SLC13A1: variants seen among roughly 807,000 people sequenced by gnomAD.
SLC13A1 encodes the protein Na(+)/sulfate cotransporter.
Under a neutral mutation model 70.0 loss-of-function variants are expected in SLC13A1, and 65 were observed. The ratio of observed to expected loss-of-function variants is 0.93; its 90% CI spans 0.76 to 1.14. SLC13A1 has a LOEUF of 1.14. Ranked by LOEUF, SLC13A1 falls within the 50% of genes most tolerant of loss-of-function variation. SLC13A1 has a pLI of 0.00. For missense variants in SLC13A1, 726 were observed against 717.8 expected (o/e 1.01, Z -0.13); for synonymous variants, 275 against 250.5 (o/e 1.10, Z -0.92).
intron 8 of SLC13A1, among the ~76,000 whole-genome samples, chr7:123,133,619 C>A (rs186164713): frequency 0.016 from 2,376 of 152,162 alleles, 30 homozygotes; most frequent in Non-Finnish European, 0.022. Context: ...CTCACTGCAA[C>A]CTCCGCCTCC....
In SLC13A1 at chr7:123,119,104, A is replaced by G; in HGVS notation, c.1489T>C (p.Phe497Leu). Reference sequence around the variant, plus strand: ...ACCAATGGAGATAATATTGGGAGAAAGAGTGTAATGGTAGCTGGATTGCTG... The same window carrying G: ...ACCAATGGAGATAATATTGGGAGAAGGAGTGTAATGGTAGCTGGATTGCTG... ...VASNPATITL[F>L]LPILSPLAEA... Residue 497 changes from phenylalanine to leucine, a missense_variant, in exon 13 of 15, where the codon TTT becomes CTT. By Grantham distance (22) the Phe-to-Leu change is conservative (BLOSUM62 0). Transcript: ENST00000194130. 6.2e-7 allele frequency: 1 copy of G among 1,612,580 alleles called. No homozygotes were observed. Among genetic ancestry groups the G allele is most frequent in the Non-Finnish European group, 8.5e-7 (1 of 1,179,114 alleles).
intron 1 of SLC13A1, among the ~76,000 whole-genome samples, chr7:123,199,290 C>A (rs1451872955): frequency 6.6e-6 from 1 of 152,100 alleles, no homozygotes; most frequent in Non-Finnish European, 1.5e-5. Flanking sequence ...ATTATCAGAA[C>A]ATGGTAAATG....
Position 123,188,844 on chromosome 7 carries a change from G to A in SLC13A1, c.100-7743C>T, listed in dbSNP as rs1348592162. 4.6e-5 allele frequency among the ~76,000 whole-genome samples: 7 copies of A among 151,954 alleles called. No homozygotes were observed. The South Asian group carries it at 8.3e-4, about 18-fold the overall frequency. ...ATAAGAAAATCTTTCGGCCGGGTGC[G>A]GTGGCTCACGCCTGTAATCCCAGCA... On this transcript the variant is annotated intron_variant, in intron 1 of 14. Transcript: ENST00000194130.
At chr7:123,193,003 C>G (rs1367677453) in intron 1 of SLC13A1, among the ~76,000 whole-genome samples, 1 of 151,938 alleles carries the variant, frequency 6.6e-6, no homozygotes, top group Non-Finnish European at 1.5e-5. Context: ...TTAGTTCCTC[C>G]TTTTCACTCA....
At position 123,123,151 on chromosome 7, in the gene SLC13A1, C is replaced by T; in HGVS notation, c.1325G>A (p.Gly442Glu). Residue 442 changes from glycine (G) to glutamate (E), a missense_variant, in exon 12 of 15, where the codon GGG becomes GAG. Coordinates refer to ENST00000194130, the MANE Select transcript of SLC13A1 (RefSeq NM_022444.4). Reference sequence around the variant, plus strand: ...CTCACAACCATCTGCCAGGGCAAACCCTCCACCAACAAGAATGGCTATATC... The same window carrying T: ...CTCACAACCATCTGCCAGGGCAAACTCTCCACCAACAAGAATGGCTATATC... ...PWDIAILVGG[G>E]FALADGCEES... 6.2e-7 allele frequency: 1 copy of T among 1,613,250 alleles called. No individual in the cohort carries two copies. Among genetic ancestry groups the T allele is most frequent in the Middle Eastern group, 1.7e-4 (1 of 6,060 alleles).
chr7:123,194,913 T>A (rs1228338317), intron 1 of SLC13A1, among the ~76,000 whole-genome samples: 2 of 152,256 alleles, frequency 1.3e-5, no homozygotes, highest in African/African-American at 4.8e-5. Flanking sequence ...TGATGAATCC[T>A]TAGTGGTTTA....
rs779304698 is a variant in SLC13A1, at chr7:123,123,180, G to A, written c.1296C>T (p.Pro432=). Residue 432 remains proline, a synonymous_variant, in exon 12 of 15, where the codon CCC becomes CCT. Coordinates refer to ENST00000194130, the MANE Select transcript of SLC13A1 (RefSeq NM_022444.4). The part of the protein sequence containing the change: ...ITWKEFQSFM[P]WDIAILVGGG... ...CACCAACAAGAATGGCTATATCCCA[G>A]GGCATGAATGACTGGAATTCTTTCC... is the stretch of plus-strand genomic sequence containing the variant. 6.2e-7 allele frequency: 1 copy of A among 1,613,602 alleles called. No individual in the cohort carries two copies. The highest frequency in any genetic ancestry group is 1.1e-5 in the South Asian group (1 of 91,076).
At chr7:123,177,024 CTT>C (rs1316942673) in intron 2 of SLC13A1, among the ~76,000 whole-genome samples, 2 of 152,138 alleles carry the variant, frequency 1.3e-5, no homozygotes, top group Non-Finnish European at 2.9e-5. Context: ...ACTCTGGACT[CTT>C]TTGTATTCAA....
chr7:123,176,496 C>G (rs957870722), intron 2 of SLC13A1, among the ~76,000 whole-genome samples: 11 of 152,286 alleles, frequency 7.2e-5, no homozygotes, highest in African/African-American at 9.6e-5. Context: ...CTTTTGCAAT[C>G]AGAGCACCTG....
chr7:123,117,744 C>T (rs1793232047), intron 13 of SLC13A1, 136 bp from the exon 14 acceptor site: 1 of 485,622 alleles, frequency 2.1e-6, no homozygotes, highest in African/African-American at 1.9e-5. Flanking sequence ...TAAATTATTG[C>T]AGTTATAACT....
At chr7:123,155,739 T>G (rs1363152880) in intron 6 of SLC13A1, among the ~76,000 whole-genome samples, 2 of 152,134 alleles carry the variant, frequency 1.3e-5, no homozygotes, top group Admixed American at 6.6e-5. Context: ...GTCAATGTTT[T>G]CATCTCTCTT....
chr7:123,178,033 C>CTCTCTCTCTCTCTCTCTATATATATA (rs761704605), intron 2 of SLC13A1, among the ~76,000 whole-genome samples: 14 of 149,956 alleles, frequency 9.3e-5, no homozygotes, highest in African/African-American at 3.4e-4. Context: ...CTCTCTCTCT[C>CTCTCTCTCTCTCTCTCTATATATATA]TATATATATA....
In SLC13A1 at chr7:123,154,617, C is replaced by T. The variant is rs539532816; in HGVS notation, c.661-7307G>A. 2.6e-5 allele frequency among the ~76,000 whole-genome samples: 4 copies of T among 152,186 alleles called. No homozygotes were observed. In the East Asian group the frequency reaches 7.7e-4, roughly 29 times the overall value. The stretch of plus-strand genomic sequence containing the variant: ...ACAGCTAGAAATATGATATACATTA[C>T]TTTTCCTGCCCCTTCTGTAAGTTAG... On this transcript the variant is annotated intron_variant, in intron 6 of 14. Transcript: ENST00000194130.
intron 2 of SLC13A1, among the ~76,000 whole-genome samples, chr7:123,179,033 G>A (rs1224037109): frequency 6.6e-6 from 1 of 152,008 alleles, no homozygotes; most frequent in Non-Finnish European, 1.5e-5. Context: ...TTAGTTTCAG[G>A]AAGAAAAAGA....
chr7:123,190,468 T>C (rs1245010803), intron 1 of SLC13A1: 3 of 438,374 alleles, frequency 6.8e-6, no homozygotes, highest in African/African-American at 4.1e-5. Flanking sequence ...CTGGGCTGAG[T>C]ACAAGCATAA....
intron 11 of SLC13A1, among the ~76,000 whole-genome samples, chr7:123,124,268 C>T (rs1398079153): frequency 6.6e-6 from 1 of 152,110 alleles, no homozygotes; most frequent in Admixed American, 6.5e-5. Context: ...ACATGGATTC[C>T]TCAGTACTTG....
rs543871379 is a variant in SLC13A1 at position 123,162,582 on chromosome 7, T to C, written c.660+5792A>G. On this transcript the variant is annotated intron_variant, in intron 6 of 14. Transcript: ENST00000194130. ...TCCAACTTCTCCCAGTTTAGGAAAA[T>C]AGAAGAATAATGAAGGAGAGCCAGC... Among the ~76,000 whole-genome samples the C allele has an allele frequency of 8.7e-4, 132 of 152,138 alleles. 1 individual carries two copies. Among genetic ancestry groups the C allele is most frequent in the African/African-American group, 3.1e-3 (128 of 41,536 alleles).
chr7:123,199,030 G>A (rs1796269474), intron 1 of SLC13A1, among the ~76,000 whole-genome samples: 1 of 152,044 alleles, frequency 6.6e-6, no homozygotes, highest in Non-Finnish European at 1.5e-5. Flanking sequence ...GCATGCCCAG[G>A]TGACACAGTT....
intron 2 of SLC13A1, among the ~76,000 whole-genome samples, chr7:123,172,294 C>G (rs1377501219): frequency 2.0e-5 from 3 of 152,126 alleles, no homozygotes; most frequent in East Asian, 3.8e-4. Context: ...TGCAGTCACA[C>G]CTTTATATAT....
Sources: gnomAD v4.1 joint callset for allele counts (sites outside exome capture counted in the v4.1 genomes callset) on GRCh38, gnomAD v4.1.1 for gene constraint, MANE v1.5 for transcripts, NCBI Gene and HGNC (gene_info 2026-07-23, HGNC 2026-07-21) for gene names.